Variants in PFKFB1 observed in about 807,000 individuals in gnomAD.
The protein encoded by PFKFB1 is 6-phosphofructo-2-kinase/fructose-2,6-bisphosphatase 1.
Under a neutral mutation model 46.4 loss-of-function variants are expected in PFKFB1, and 34 were observed. The ratio of observed to expected loss-of-function variants is 0.73; its 90% CI spans 0.56 to 0.98. The LOEUF (loss-of-function observed/expected upper bound fraction) is 0.98. Among genes scored for constraint, PFKFB1 ranks in the 50% least tolerant of loss-of-function variants. PFKFB1 has a pLI of 0.00. For synonymous variants in PFKFB1, 119 were observed against 133.8 expected, an observed-to-expected ratio of 0.89 and a Z score of 0.76; for missense variants, 393 against 376.3, an observed-to-expected ratio of 1.04 and a Z score of -0.37.
intron 1 of PFKFB1, among the ~76,000 whole-genome samples, chrX:54,978,399 A>C (rs189752520): frequency 8.9e-6 from 1 of 111,892 alleles, no homozygotes; most frequent in East Asian, 2.8e-4. Context: ...GAAAATCATC[A>C]TTAGAACACT....
intron 1 of PFKFB1, among the ~76,000 whole-genome samples, chrX:54,977,082 T>G (rs757921518): frequency 2.1e-4 from 23 of 110,717 alleles, no homozygotes; most frequent in African/African-American, 6.9e-4. Flanking sequence ...ACTTTATACG[T>G]TTGTCAAAAC....
At chrX:54,993,844 T>G (rs931879819) in intron 1 of PFKFB1, 67 bp downstream of exon 1, 260 of 1,134,546 alleles carry the variant, frequency 2.3e-4, no homozygotes, top group Non-Finnish European at 2.9e-4. Context: ...GGGAGGTGCA[T>G]CCTTTGCTCT....
At chrX:54,970,493 C>CA (rs1934624638) in intron 1 of PFKFB1, among the ~76,000 whole-genome samples, 1 of 61,685 alleles carries the variant, frequency 1.6e-5, no homozygotes, top group African/African-American at 6.3e-5. Context: ...CCCCTCCCCC[C>CA]ACCCCACAAC....
intron 1 of PFKFB1, among the ~76,000 whole-genome samples, chrX:54,984,209 A>G (rs1171221721): frequency 8.9e-6 from 1 of 111,973 alleles, no homozygotes; most frequent in Non-Finnish European, 1.9e-5. Context: ...GCAATAAGGC[A>G]ATAAAAGGAA....
intron 11 of PFKFB1, among the ~76,000 whole-genome samples, chrX:54,937,152 G>A (rs1248263079): frequency 1.8e-5 from 2 of 111,618 alleles, no homozygotes; most frequent in Non-Finnish European, 3.8e-5. Flanking sequence ...ACAGAAACTT[G>A]TAATCAGGAT....
At chrX:54,983,605 T>C (rs1935048701) in intron 1 of PFKFB1, among the ~76,000 whole-genome samples, 1 of 112,210 alleles carries the variant, frequency 8.9e-6, no homozygotes, top group Non-Finnish European at 1.9e-5. Context: ...TCTTTGGTAT[T>C]GTGAATAGTG....
At position 54,982,277 on chromosome X, in the gene PFKFB1, G is replaced by A. The variant is rs192114996; in HGVS notation, c.97+11634C>T. Among the ~76,000 whole-genome samples the A allele has an allele frequency of 6.8e-4, 76 of 111,093 alleles. No individual in the cohort carries two copies. In the Admixed American group the frequency reaches 6.9e-3, roughly 10 times the overall value. ...GGAATATTTTCAACTAATTTTATGA[G>A]GCCAGAATTACCCTGATATCAAAAC... On this transcript the variant is annotated intron_variant, in intron 1 of 13. Coordinates refer to ENST00000375006, the MANE Select transcript of PFKFB1 (RefSeq NM_002625.4).
intron 11 of PFKFB1, among the ~76,000 whole-genome samples, chrX:54,936,447 A>C (rs1207458011): frequency 2.7e-5 from 3 of 111,262 alleles, no homozygotes. Flanking sequence ...GTGTGTAAAA[A>C]GCACTCCACA....
At chrX:54,985,880 G>C (rs1935101240) in intron 1 of PFKFB1, among the ~76,000 whole-genome samples, 1 of 109,007 alleles carries the variant, frequency 9.2e-6, no homozygotes, top group Non-Finnish European at 1.9e-5. Context: ...CAACCACGAA[G>C]AATATACCTA....
At chrX:54,940,161 C>T (rs140631942) in intron 10 of PFKFB1, among the ~76,000 whole-genome samples, 372 of 111,665 alleles carry the variant, frequency 3.3e-3, no homozygotes, top group African/African-American at 0.011. Context: ...TCTCAATAGA[C>T]GCAGAAAAGG....
At chrX:54,943,741 A>G (rs1361622632) in intron 10 of PFKFB1, among the ~76,000 whole-genome samples, 2 of 109,860 alleles carry the variant, frequency 1.8e-5, no homozygotes, top group Admixed American at 2.0e-4. Flanking sequence ...AAAGAGCGAG[A>G]CTCCGTCTCA....
At chrX:54,987,021 A>G (rs182428326) in intron 1 of PFKFB1, among the ~76,000 whole-genome samples, 3 of 111,224 alleles carry the variant, frequency 2.7e-5, no homozygotes, top group African/African-American at 9.7e-5. Flanking sequence ...ATTTGAAAAA[A>G]TTAATAAACT....
rs772280959 is a variant in PFKFB1 at position 54,933,904 on chromosome X, A to G, written c.1292-19T>C. The G allele has an allele frequency of 3.4e-6, 4 of 1,186,797 alleles. No homozygotes were observed. In the South Asian group the frequency reaches 7.1e-5, roughly 21 times the overall value. ...TTGCAGCCTTAGAAAAGAACAATCCATCTGTCCATAGGCCCCCAAGGTAGG... is the reference window on the plus strand; with the variant it reads ...TTGCAGCCTTAGAAAAGAACAATCCGTCTGTCCATAGGCCCCCAAGGTAGG... On this transcript the variant is annotated intron_variant, in intron 12 of 13. Coordinates refer to ENST00000375006, the MANE Select transcript of PFKFB1 (RefSeq NM_002625.4).
rs1569546815 is a variant in PFKFB1 at position 54,952,073 on chromosome X, G to C, written c.678C>G (p.Arg226=). 1 of 1,211,447 alleles carries C rather than the reference G, an allele frequency of 8.3e-7. No individual in the cohort carries two copies. The highest frequency in any genetic ancestry group is 3.0e-5 in the East Asian group (1 of 33,836). Residue 226 remains arginine (R), a synonymous_variant, in exon 8 of 14, where the codon CGC becomes CGG. Transcript: ENST00000375006. ...GATCCTGCACTCGGTTCACCATGTAGCGTGTGCCCACGTCGAAGATCTTGA... is the reference window on the plus strand; with the variant it reads ...GATCCTGCACTCGGTTCACCATGTACCGTGTGCCCACGTCGAAGATCTTGA... ...SYIKIFDVGT[R]YMVNRVQDHI...
chrX:54,972,936 T>C (rs936921080), intron 1 of PFKFB1, among the ~76,000 whole-genome samples: 3 of 111,885 alleles, frequency 2.7e-5, no homozygotes, highest in Non-Finnish European at 3.8e-5. Context: ...CTTGTACCTC[T>C]GGTAGAATTC....
At chrX:54,974,956 C>T (rs1218680540) in intron 1 of PFKFB1, among the ~76,000 whole-genome samples, 3 of 110,661 alleles carry the variant, frequency 2.7e-5, no homozygotes, top group Non-Finnish European at 5.7e-5. Context: ...AAAAAAAATA[C>T]ATCTTGGCAT....
intron 11 of PFKFB1, 124 bp downstream of exon 11, chrX:54,937,471 T>A (rs1390532535): frequency 1.1e-5 from 7 of 615,524 alleles, no homozygotes; most frequent in Non-Finnish European, 1.4e-5. Context: ...AGAGAAAGAA[T>A]CTGAACCTAG....
intron 9 of PFKFB1, among the ~76,000 whole-genome samples, chrX:54,946,184 C>A (rs1302555788): frequency 1.8e-5 from 2 of 110,911 alleles, no homozygotes; most frequent in Non-Finnish European, 3.8e-5. Context: ...TGTCTGAAGA[C>A]CTCTACTTTG....
Position 54,933,257 on chromosome X carries a change from G to A in PFKFB1, c.*146C>T. ...CTCCTTGGTTGCGGCCAGCAAGCGA[G>A]GCTTGTTTGGGAGTTGCGGAGGACT... On this transcript the variant is annotated 3_prime_UTR_variant, in exon 14 of 14. Coordinates refer to ENST00000375006, the MANE Select transcript of PFKFB1 (RefSeq NM_002625.4). 2.1e-6 allele frequency: 1 copy of A among 486,557 alleles called. No homozygotes were observed. The highest frequency in any genetic ancestry group is 3.6e-6 in the Non-Finnish European group (1 of 278,071). 40.1% of individuals were successfully genotyped at this position (486,557 alleles called of 1,213,427 possible).
Sources: allele counts gnomAD v4.1 joint callset (sites outside exome capture counted in the v4.1 genomes callset), GRCh38; gene constraint gnomAD v4.1.1; transcripts MANE v1.5; gene names NCBI Gene and HGNC (gene_info 2026-07-23, HGNC 2026-07-21).